Variants in LPL observed in about 807,000 individuals in gnomAD.
LPL encodes phospholipase A1.
Under a neutral mutation model 52.2 loss-of-function variants are expected in LPL, and 43 were observed. The observed-to-expected ratio is 0.82, with a 90% CI of 0.64 to 1.06. The LOEUF (loss-of-function observed/expected upper bound fraction) is 1.06. LPL is among the 50% of genes least tolerant of loss of function. LPL has a pLI of 0.00. For missense variants in LPL, 639 were observed against 585.3 expected (o/e 1.09, Z -0.95); for synonymous variants, 244 against 215.6 (o/e 1.13, Z -1.15).
At chr8:19,964,981 A>C (rs868487058) in intron 9 of LPL, among the ~76,000 whole-genome samples, 1 of 152,240 alleles carries the variant, frequency 6.6e-6, no homozygotes, top group South Asian at 2.1e-4. Context: ...CAGAAACCTC[A>C]TATCACAAGA....
In LPL at chr8:19,944,170, A is replaced by G. The variant is rs2069864065; in HGVS notation, c.89-4010A>G. 6.6e-6 allele frequency among the ~76,000 whole-genome samples: 1 copy of G among 152,198 alleles called. No homozygotes were observed. Among genetic ancestry groups the G allele is most frequent in the Non-Finnish European group, 1.5e-5 (1 of 68,032 alleles). Reference sequence around the variant, plus strand: ...CACTGCACTCCAGCCTGGGTGACAGAGCAAGACTCCGTTTCAAAAAATAAT... The same window carrying G: ...CACTGCACTCCAGCCTGGGTGACAGGGCAAGACTCCGTTTCAAAAAATAAT... On this transcript the variant is annotated intron_variant, in intron 1 of 9. Coordinates refer to ENST00000650287, the MANE Select transcript of LPL (RefSeq NM_000237.3). The surrounding 1 kb of genome is among the most constrained non-coding windows in gnomAD (Gnocchi z 4.2).
Position 19,939,319 on chromosome 8 carries a change from T to A in LPL, c.-122T>A. On this transcript the variant is annotated 5_prime_UTR_variant, in exon 1 of 10. Coordinates refer to ENST00000650287, the MANE Select transcript of LPL (RefSeq NM_000237.3). The surrounding 1 kb of genome is among the most constrained non-coding windows in gnomAD (Gnocchi z 4.0). ...CTGCCCACTTCTAGCTGCCCTGCCA[T>A]CCCCTTTAAAGGGCGACTTGCTCAG... 1.2e-6 allele frequency: 1 copy of A among 831,282 alleles called. No individual in the cohort carries two copies. Among genetic ancestry groups the A allele is most frequent in the South Asian group, 1.5e-5 (1 of 66,964 alleles). The allele number at this position is 831,282 out of a possible 1,614,324, so 51.5% of individuals were successfully genotyped here. A position where few individuals can be genotyped will look rare whatever the true frequency, so the allele number is the denominator to read the frequency against.
At position 19,967,247 on chromosome 8, in the gene LPL, T is replaced by C. The variant is rs928716087; in HGVS notation, c.*1937T>C. ...TCAGCTTTTAATAAAATTGACAACATTTTATTACCACACTAAGTCATTATT... is the reference window on the plus strand; with the variant it reads ...TCAGCTTTTAATAAAATTGACAACACTTTATTACCACACTAAGTCATTATT... On this transcript the variant is annotated 3_prime_UTR_variant, in exon 10 of 10. Coordinates refer to ENST00000650287, the MANE Select transcript of LPL (RefSeq NM_000237.3). The C allele has an allele frequency of 6.6e-6, 1 of 152,612 alleles. No homozygotes were observed. The highest frequency in any genetic ancestry group is 2.4e-5 in the African/African-American group (1 of 41,442). The allele number at this position is 152,612 out of a possible 1,614,324, so 9.5% of individuals were successfully genotyped here.
intron 6 of LPL, 32 bp from the exon 7 acceptor site, chr8:19,959,228 T>G (rs761265211): frequency 6.2e-7 from 1 of 1,613,946 alleles, no homozygotes; most frequent in South Asian, 1.1e-5. Context: ...TCATAAAGAT[T>G]GATCAACATG....
chr8:19,963,722 A>G (rs17116619), intron 9 of LPL, among the ~76,000 whole-genome samples: 3,658 of 152,246 alleles, frequency 0.024, 131 homozygotes, highest in African/African-American at 0.083. Context: ...CTGAATGACT[A>G]GATGAGAACA....
intron 1 of LPL, among the ~76,000 whole-genome samples, chr8:19,940,386 G>C (rs1233387273): frequency 6.6e-6 from 1 of 152,182 alleles, no homozygotes; most frequent in African/African-American, 2.4e-5. Flanking sequence ...GCCCGGCCCC[G>C]CCGCGCGGCT....
chr8:19,952,120 G>T (rs2128837758), intron 3 of LPL, among the ~76,000 whole-genome samples, 172 bp downstream of exon 3: 1 of 152,276 alleles, frequency 6.6e-6, no homozygotes, highest in South Asian at 2.1e-4. Flanking sequence ...ATTTTGATAA[G>T]AATAGACTAT....
intron 5 of LPL, among the ~76,000 whole-genome samples, chr8:19,955,117 C>T (rs190229949): frequency 1.3e-5 from 2 of 152,210 alleles, no homozygotes; most frequent in African/African-American, 4.8e-5. Context: ...TTACTATTTT[C>T]GATTGTCCTA....
chr8:19,947,661 C>CA (rs2069893562), intron 1 of LPL, among the ~76,000 whole-genome samples: 1 of 107,070 alleles, frequency 9.3e-6, no homozygotes, highest in Non-Finnish European at 1.9e-5. Flanking sequence ...AAACAACCCC[C>CA]CCCCCGCCCC....
chr8:19,956,202 C>G, intron 6 of LPL, 119 bp downstream of exon 6: 1 of 1,420,360 alleles, frequency 7.0e-7, no homozygotes, highest in Non-Finnish European at 9.8e-7. Context: ...TTACTAAACC[C>G]TGAGCCCTGG....
chr8:19,962,357 A>G (rs182074812), intron 9 of LPL, 138 bp downstream of exon 9: 2 of 718,982 alleles, frequency 2.8e-6, no homozygotes, highest in Admixed American at 3.9e-5. Flanking sequence ...AGTCTTTCTT[A>G]GTCCTTCTGC....
At chr8:19,957,115 G>T (rs2069992555) in intron 6 of LPL, among the ~76,000 whole-genome samples, 1 of 152,158 alleles carries the variant, frequency 6.6e-6, no homozygotes, top group Admixed American at 6.5e-5. Flanking sequence ...TTCCTGGAAG[G>T]CAAGAATATC....
At chr8:19,946,992 G>T (rs1417842734) in intron 1 of LPL, among the ~76,000 whole-genome samples, 5 of 152,174 alleles carry the variant, frequency 3.3e-5, no homozygotes, top group Non-Finnish European at 7.3e-5. Context: ...TTCAAGTTTT[G>T]CCTTTGTGTG....
chr8:19,960,905 G>A lies in LPL; in HGVS notation c.1144G>A (p.Glu382Lys). ...ESENIPFTLP[E>K]VSTNKTYSFL... is the part of the protein sequence containing the mutation. Reference sequence around the variant, plus strand: ...ATTTATTGCTTTTTTGTTTAGGCCTGAAGTTTCCACAAATAAGACCTACTC... The same window carrying A: ...ATTTATTGCTTTTTTGTTTAGGCCTAAAGTTTCCACAAATAAGACCTACTC... Residue 382 changes from glutamate (E) to lysine (K), a missense_variant, in exon 8 of 10, where the codon GAA becomes AAA. Physicochemically the swap from Glu to Lys is moderately conservative, Grantham distance 56. Coordinates refer to ENST00000650287, the MANE Select transcript of LPL (RefSeq NM_000237.3). 1 of 1,613,504 alleles carries A rather than the reference G, an allele frequency of 6.2e-7. No individual in the cohort carries two copies. The highest frequency in any genetic ancestry group is 1.7e-4 in the Middle Eastern group (1 of 5,872).
chr8:19,942,130 G>T (rs1534649), intron 1 of LPL, among the ~76,000 whole-genome samples: 80,683 of 152,078 alleles, frequency 0.53, 24,562 homozygotes, highest in African/African-American at 0.84. Flanking sequence ...GGGGAAGAGC[G>T]GCGATGGAAA....
chr8:19,945,090 G>A (rs2069871686), intron 1 of LPL, among the ~76,000 whole-genome samples: 1 of 152,102 alleles, frequency 6.6e-6, no homozygotes, highest in Non-Finnish European at 1.5e-5. Flanking sequence ...CAGTCTAGTT[G>A]GATGAGTGCA....
At chr8:19,940,558 G>A (rs1394454862) in intron 1 of LPL, among the ~76,000 whole-genome samples, 2 of 152,236 alleles carry the variant, frequency 1.3e-5, no homozygotes, top group Admixed American at 6.5e-5. Context: ...TTCGAACCTC[G>A]ATTCAGTAAA....
intron 1 of LPL, among the ~76,000 whole-genome samples, chr8:19,947,238 C>T (rs957403589): frequency 3.3e-5 from 5 of 152,092 alleles, no homozygotes; most frequent in Admixed American, 2.0e-4. Flanking sequence ...GGCCCGATGG[C>T]TCACACTGGT....
In LPL at chr8:19,956,013, G is replaced by C; in HGVS notation, c.948G>C (p.Glu316Asp). The C allele has an allele frequency of 1.2e-6, 2 of 1,614,134 alleles. No homozygotes were observed. Among genetic ancestry groups the C allele is most frequent in the Non-Finnish European group, 1.7e-6 (2 of 1,180,032 alleles). The change falls in exon 6 of 10, where the codon GAG (glutamate) becomes GAC (aspartate). Residue 316 changes from glutamate (E) to aspartate (D), a missense_variant. Transcript: ENST00000650287. Reference protein sequence around the residue: ...RKNRCNNLGYEINKVRAKRSS... With the variant: ...RKNRCNNLGYDINKVRAKRSS... The stretch of plus-strand genomic sequence containing the variant: ...ACCGCTGCAACAATCTGGGCTATGA[G>C]ATCAATAAAGTCAGAGCCAAAAGAA...
Sources: allele counts gnomAD v4.1 joint callset (sites outside exome capture counted in the v4.1 genomes callset), GRCh38; gene constraint gnomAD v4.1.1; non-coding constraint Gnocchi (gnomAD v3.1); transcripts MANE v1.5; gene names NCBI Gene and HGNC (gene_info 2026-07-23, HGNC 2026-07-21).